DMD: variants seen among roughly 807,000 people sequenced by gnomAD.
The protein encoded by DMD is dystrophin.
Under a neutral mutation model 330.1 loss-of-function variants are expected in DMD, and 63 were observed. That is an observed-to-expected ratio of 0.19 (90% CI 0.16 to 0.24). The LOEUF (loss-of-function observed/expected upper bound fraction) is 0.24. DMD is among the 10% of genes least tolerant of loss of function. The probability of loss-of-function intolerance (pLI) is 1.00; values close to 1 mark genes in which losing one functional copy is unlikely to be tolerated. For missense variants in DMD, 3,344 were observed against 2,684.1 expected (o/e 1.25, Z -5.43); for synonymous variants, 1,223 against 959.8 (o/e 1.27, Z -5.07).
intron 55 of DMD, among the ~76,000 whole-genome samples, chrX:31,587,247 C>A (rs1435048159): frequency 1.8e-5 from 2 of 111,226 alleles, no homozygotes; most frequent in African/African-American, 6.5e-5. Flanking sequence ...GGAGTATGTT[C>A]AAGAGACCTA....
intron 57 of DMD, among the ~76,000 whole-genome samples, chrX:31,482,187 T>A (rs2149268877): frequency 9.6e-6 from 1 of 103,894 alleles, no homozygotes; most frequent in African/African-American, 3.6e-5. Flanking sequence ...GATAAAATTA[T>A]TGAAGAGTAA....
chrX:32,675,143 A>G (rs899892715), intron 9 of DMD, among the ~76,000 whole-genome samples: 20 of 111,706 alleles, frequency 1.8e-4, no homozygotes, highest in Non-Finnish European at 3.2e-4. Flanking sequence ...TGCTATTATC[A>G]ATAAAATGGA....
chrX:31,594,095 A>G (rs2077003194), intron 55 of DMD, among the ~76,000 whole-genome samples: 1 of 111,135 alleles, frequency 9.0e-6, no homozygotes, highest in African/African-American at 3.3e-5. Context: ...TATACTACTG[A>G]CATTTTGGCC....
At chrX:33,176,541 C>T (rs1262870046) in intron 1 of DMD, among the ~76,000 whole-genome samples, 2 of 95,776 alleles carry the variant, frequency 2.1e-5, no homozygotes, top group Non-Finnish European at 4.2e-5. Flanking sequence ...TTTGCAGCCA[C>T]GAAAAAGCAA....
At chrX:33,202,202 C>T (rs2051314254) in intron 1 of DMD, among the ~76,000 whole-genome samples, 1 of 111,457 alleles carries the variant, frequency 9.0e-6, no homozygotes, top group East Asian at 2.8e-4. Flanking sequence ...TACTATGATT[C>T]CTGCCATTTT....
At chrX:32,054,160 A>C (rs1046962272) in intron 44 of DMD, among the ~76,000 whole-genome samples, 39 of 105,550 alleles carry the variant, frequency 3.7e-4, no homozygotes, top group African/African-American at 1.3e-3. Context: ...ACCAAAAAGA[A>C]AATAAGTCAG....
chrX:31,510,506 C>CTTT (rs756448666), intron 55 of DMD, among the ~76,000 whole-genome samples: 13 of 84,496 alleles, frequency 1.5e-4, no homozygotes, highest in African/African-American at 5.2e-4. Flanking sequence ...TCTGACTGCT[C>CTTT]TTTTTTTTTT....
At chrX:32,706,489 G>GGGA (rs1461247853) in intron 7 of DMD, among the ~76,000 whole-genome samples, 1 of 110,357 alleles carries the variant, frequency 9.1e-6, no homozygotes, top group Non-Finnish European at 1.9e-5. Flanking sequence ...GCTTGAACCA[G>GGGA]GGAGGAGGAG....
In DMD at chrX:31,567,730, C is replaced by T. The variant is rs181466598; in HGVS notation, c.8217+59943G>A. Among the ~76,000 whole-genome samples the T allele has an allele frequency of 2.2e-3, 237 of 108,651 alleles. 1 individual carries two copies. The highest frequency in any genetic ancestry group is 7.3e-3 in the African/African-American group (214 of 29,485). The allele number at this position is 108,651 out of a possible 115,157, so 94.4% of individuals were successfully genotyped here. A position where few individuals can be genotyped will look rare whatever the true frequency, so the allele number is the denominator to read the frequency against. On this transcript the variant is annotated intron_variant, in intron 55 of 78. Coordinates refer to ENST00000357033, the MANE Select transcript of DMD (RefSeq NM_004006.3). ...TCAATACTGCTTTTATGACATCTCA[C>T]TTTATTTTTTTTTGCCAGAGAAAAA... is the stretch of plus-strand genomic sequence containing the variant.
chrX:32,247,803 G>T (rs780997815), intron 43 of DMD, among the ~76,000 whole-genome samples: 4 of 111,074 alleles, frequency 3.6e-5, no homozygotes, highest in Non-Finnish European at 5.7e-5. Flanking sequence ...TATAAATACA[G>T]AAATCAGGGT....
At chrX:33,094,850 A>G (rs753105050) in intron 1 of DMD, among the ~76,000 whole-genome samples, 127 of 110,524 alleles carry the variant, frequency 1.1e-3, no homozygotes, top group African/African-American at 4.0e-3. Flanking sequence ...AAGAAATTTC[A>G]TGTAGTTGGG....
chrX:31,251,042 A>T (rs2147475962), intron 63 of DMD, among the ~76,000 whole-genome samples: 1 of 109,648 alleles, frequency 9.1e-6, no homozygotes, highest in Non-Finnish European at 1.9e-5. Flanking sequence ...AAATCGCACC[A>T]CTGCACTCCA....
intron 52 of DMD, among the ~76,000 whole-genome samples, chrX:31,724,756 C>G (rs1415220642): frequency 3.6e-5 from 4 of 111,885 alleles, no homozygotes; most frequent in African/African-American, 1.3e-4. Flanking sequence ...CACATATTTA[C>G]TTTAGAAACA....
intron 44 of DMD, among the ~76,000 whole-genome samples, chrX:32,033,605 G>GACAGAAA (rs2095905813): frequency 2.3e-5 from 1 of 43,470 alleles, no homozygotes; most frequent in Non-Finnish European, 4.0e-5. Context: ...CAGACAGACA[G>GACAGAAA]AAAGAAAGAA....
At chrX:31,450,051 C>A (rs983696646) in intron 59 of DMD, among the ~76,000 whole-genome samples, 14 of 109,859 alleles carry the variant, frequency 1.3e-4, no homozygotes, top group Admixed American at 9.8e-4. Flanking sequence ...GGACTAATGG[C>A]ATTGCTGTCT....
chrX:31,299,774 TAAAAAAA>T, intron 62 of DMD, among the ~76,000 whole-genome samples: 1 of 56,914 alleles, frequency 1.8e-5, no homozygotes, highest in South Asian at 1.0e-3. Context: ...GACTCCGTCT[TAAAAAAA>T]AAAAAAAAAA....
intron 1 of DMD, among the ~76,000 whole-genome samples, chrX:33,085,497 A>G (rs2094991671): frequency 8.9e-6 from 1 of 111,881 alleles, no homozygotes; most frequent in Non-Finnish European, 1.9e-5. Flanking sequence ...ATTTTACAAC[A>G]CATAACCTCC....
Position 31,206,592 on chromosome X carries a change from G to C in DMD, c.9639C>G (p.Asp3213Glu). 1 of 1,207,893 alleles carries C rather than the reference G, an allele frequency of 8.3e-7. No individual in the cohort carries two copies. The highest frequency in any genetic ancestry group is 1.1e-6 in the Non-Finnish European group (1 of 892,281). The stretch of plus-strand genomic sequence containing the variant: ...ATATACACGACTTACATCTGTACTT[G>C]TCTTCCAAATGTGCTTTACACAGGG... ...IISLCKAHLE[D>E]KYRYLFKQVA... The change falls in exon 66 of 79, where the codon GAC becomes GAG. Residue 3213 changes from aspartate to glutamate, a missense_variant. Transcript: ENST00000357033.
chrX:32,583,904 T>C lies in DMD; in HGVS notation c.1603-10058A>G, dbSNP rs940655119. Among the ~76,000 whole-genome samples the C allele has an allele frequency of 4.5e-5, 5 of 111,423 alleles. No individual in the cohort carries two copies. In the Admixed American group the frequency reaches 4.8e-4, roughly 11 times the overall value. The stretch of plus-strand genomic sequence containing the variant: ...TTCAGAATTTTAAAGTAGAGAGTTT[T>C]ATTTTTAAACTGAGGACAAAAGTAC... On this transcript the variant is annotated intron_variant, in intron 13 of 78. Coordinates refer to ENST00000357033, the MANE Select transcript of DMD (RefSeq NM_004006.3).
Sources: allele counts gnomAD v4.1 joint callset (sites outside exome capture counted in the v4.1 genomes callset), GRCh38; gene constraint gnomAD v4.1.1; transcripts MANE v1.5; gene names NCBI Gene and HGNC (gene_info 2026-07-23, HGNC 2026-07-21).